Variants in ZGRF1 observed in about 807,000 individuals in gnomAD.
The protein encoded by ZGRF1 is zinc finger GRF-type containing 1, also known as 5'-3' DNA helicase ZGRF1.
ZGRF1 carries 196 observed loss-of-function variants against 203.5 expected under a neutral mutation model. The ratio of observed to expected loss-of-function variants is 0.96; its 90% CI spans 0.86 to 1.08. The LOEUF (loss-of-function observed/expected upper bound fraction) is 1.08, where lower values mean the gene tolerates loss of function less well. Ranked by LOEUF, ZGRF1 falls within the 50% of genes least tolerant of loss-of-function variation. The pLI, the probability that ZGRF1 is intolerant of heterozygous loss-of-function variation, is 0.00. For missense variants in ZGRF1, 2,326 were observed against 2,416.3 expected, an observed-to-expected ratio of 0.96 and a Z score of 0.78; for synonymous variants, 809 against 841.3, an observed-to-expected ratio of 0.96 and a Z score of 0.66.
chr4:112,605,849 T>C (rs1750693448), intron 9 of ZGRF1, 159 bp downstream of exon 9: 1 of 596,220 alleles, frequency 1.7e-6, no homozygotes, highest in South Asian at 2.0e-5. Flanking sequence ...GGGGCAGGAG[T>C]CATTAAATAG....
chr4:112,589,485 G>GT, intron 11 of ZGRF1: 1 of 540,944 alleles, frequency 1.8e-6, no homozygotes, highest in African/African-American at 1.9e-5. Flanking sequence ...ACTTTCAGGG[G>GT]TCTGTGTTGA....
chr4:112,632,328 C>A (rs986331282), intron 2 of ZGRF1, among the ~76,000 whole-genome samples: 5 of 151,880 alleles, frequency 3.3e-5, no homozygotes, highest in African/African-American at 9.7e-5. Context: ...GATAAATGAG[C>A]ATTGAAAGTA....
chr4:112,549,479 C>G (rs1739483672), intron 22 of ZGRF1, among the ~76,000 whole-genome samples: 1 of 152,250 alleles, frequency 6.6e-6, no homozygotes, highest in African/African-American at 2.4e-5. Flanking sequence ...TGCCACATAA[C>G]AATGTGATGT....
chr4:112,576,168 G>T (rs1181750273), intron 16 of ZGRF1, among the ~76,000 whole-genome samples: 1 of 152,166 alleles, frequency 6.6e-6, no homozygotes, highest in African/African-American at 2.4e-5. Context: ...AGGCAAACAG[G>T]GTCTGGAGTG....
intron 6 of ZGRF1, among the ~76,000 whole-genome samples, chr4:112,613,789 A>T (rs1001796750): frequency 1.3e-5 from 2 of 151,902 alleles, no homozygotes; most frequent in Non-Finnish European, 2.9e-5. Context: ...TTTTTTTCTT[A>T]AAAAAAAGTA....
intron 6 of ZGRF1, among the ~76,000 whole-genome samples, chr4:112,615,116 G>A (rs1225795445): frequency 6.6e-6 from 1 of 152,078 alleles, no homozygotes; most frequent in Non-Finnish European, 1.5e-5. Context: ...TAGGAGCAAG[G>A]TTTACTATTA....
chr4:112,567,432 G>A (rs1004188652), intron 16 of ZGRF1, among the ~76,000 whole-genome samples: 6 of 152,122 alleles, frequency 3.9e-5, no homozygotes, highest in South Asian at 2.1e-4. Flanking sequence ...ATTTAAATTT[G>A]GCCTGATAAA....
At chr4:112,559,789 A>G (rs1179501000) in intron 19 of ZGRF1, among the ~76,000 whole-genome samples, 1 of 152,182 alleles carries the variant, frequency 6.6e-6, no homozygotes, top group East Asian at 1.9e-4. Flanking sequence ...CTAACAAATG[A>G]TACAGTCAGA....
At chr4:112,612,613 A>G (rs1429530880) in intron 6 of ZGRF1, 25 bp from the exon 7 acceptor site, 6 of 1,462,124 alleles carry the variant, frequency 4.1e-6, no homozygotes, top group South Asian at 1.2e-5. Flanking sequence ...AGAAATAATC[A>G]TATCATTGTT....
chr4:112,590,178 AGG>A (rs1446212563), intron 10 of ZGRF1, among the ~76,000 whole-genome samples: 2 of 152,186 alleles, frequency 1.3e-5, no homozygotes, highest in Non-Finnish European at 2.9e-5. Context: ...TGCCATTCTA[AGG>A]GGCTCAGGCC....
At chr4:112,585,448 A>G (rs1476565792) in intron 14 of ZGRF1, 93 bp downstream of exon 14, 1 of 936,688 alleles carries the variant, frequency 1.1e-6, no homozygotes, top group Non-Finnish European at 1.5e-6. Flanking sequence ...CTTAATCAAG[A>G]CTCACTCTTT....
chr4:112,617,663 ACTTCTAATCTTT>A lies in ZGRF1; in HGVS notation c.2367_2378del (p.Lys790_Ser793del). ...CAACCTCAACATGGTCAGGGGGTGGACTTCTAATCTTTCCCAAATCTTCAGGTTCAGATATAT... is the reference window on the plus strand; with the variant it reads ...CAACCTCAACATGGTCAGGGGGTGGACCCAAATCTTCAGGTTCAGATATAT... On this transcript the variant is annotated inframe_deletion, in exon 6 of 28. Coordinates refer to ENST00000505019, the MANE Select transcript of ZGRF1 (RefSeq NM_018392.5). 6.2e-7 allele frequency: 1 copy of A among 1,613,824 alleles called. No individual in the cohort carries two copies. The highest frequency in any genetic ancestry group is 8.5e-7 in the Non-Finnish European group (1 of 1,179,920).
chr4:112,635,346 A>G (rs1006201424), intron 1 of ZGRF1, among the ~76,000 whole-genome samples: 7 of 151,996 alleles, frequency 4.6e-5, no homozygotes, highest in Non-Finnish European at 1.0e-4. Context: ...TTTAATAGCT[A>G]CCATTTATTC....
intron 6 of ZGRF1, 36 bp downstream of exon 6, chr4:112,617,404 A>T: frequency 6.9e-7 from 1 of 1,446,258 alleles, no homozygotes; most frequent in Non-Finnish European, 9.3e-7. Flanking sequence ...AAAGACCTAT[A>T]AAGAAAACAT....
Position 112,565,239 on chromosome 4 carries a change from C to G in ZGRF1, c.4439-1965G>C. On this transcript the variant is annotated intron_variant, in intron 16 of 27. Coordinates refer to ENST00000505019, the MANE Select transcript of ZGRF1 (RefSeq NM_018392.5). ...CTCAGGACTTTAAAACAGATCTGCA[C>G]TTCCAGAGCGCAGCTATCGGTGCTT... 5 of 1,594,642 alleles carry G rather than the reference C, an allele frequency of 3.1e-6. No individual in the cohort carries two copies. In the East Asian group the frequency reaches 1.1e-4, roughly 36 times the overall value.
At chr4:112,557,889 C>A (rs754460151) in intron 20 of ZGRF1, among the ~76,000 whole-genome samples, 1 of 152,176 alleles carries the variant, frequency 6.6e-6, no homozygotes, top group South Asian at 2.1e-4. Flanking sequence ...CCTCTCTAGC[C>A]CTACATGTTC....
At chr4:112,593,985 G>C (rs1324719264) in intron 10 of ZGRF1, among the ~76,000 whole-genome samples, 1 of 151,976 alleles carries the variant, frequency 6.6e-6, no homozygotes, top group East Asian at 1.9e-4. Context: ...GAACTCCTGG[G>C]CTCAAGCAAT....
At chr4:112,617,124 A>G (rs10002557) in intron 6 of ZGRF1, among the ~76,000 whole-genome samples, 109,122 of 151,934 alleles carry the variant, frequency 0.72, 39,581 homozygotes, top group East Asian at 0.95. Flanking sequence ...ACACACATAC[A>G]TACATATATA....
intron 10 of ZGRF1, among the ~76,000 whole-genome samples, chr4:112,603,066 T>A (rs900141592): frequency 3.3e-5 from 5 of 151,510 alleles, no homozygotes; most frequent in Middle Eastern, 3.4e-3. Context: ...AAGGGAAATT[T>A]AAAAAAAAAT....
Sources: gnomAD v4.1 joint callset for allele counts (sites outside exome capture counted in the v4.1 genomes callset) on GRCh38, gnomAD v4.1.1 for gene constraint, MANE v1.5 for transcripts, NCBI Gene and HGNC (gene_info 2026-07-23, HGNC 2026-07-21) for gene names.